The following NKTR variants were observed in gnomAD, a reference collection of about 807,000 sequenced individuals.
NKTR encodes the protein natural killer cell triggering receptor, also known as NK-tumor recognition protein.
NKTR carries 67 observed loss-of-function variants against 156.3 expected under a neutral mutation model. The observed-to-expected ratio is 0.43, with a 90% CI of 0.35 to 0.53. The LOEUF (loss-of-function observed/expected upper bound fraction) is 0.53. Ranked by LOEUF, NKTR falls within the 20% of genes least tolerant of loss-of-function variation. NKTR has a pLI of 0.01. For missense variants in NKTR, 1,604 were observed against 1,730.9 expected (o/e 0.93, Z 1.30); for synonymous variants, 640 against 596.6 (o/e 1.07, Z -1.06).
rs201803926 is a variant in NKTR at position 42,607,969 on chromosome 3, C to CTTTTTTTTTTTTTTTTTTTTTTTTTTT, written c.58+6922_58+6948dup. ...TGCCAATCGCAAGTCCTGAGTCGCT[C>CTTTTTTTTTTTTTTTTTTTTTTTTTTT]TTTTTTTTTTTTTTTTTTTTTTTTT... is the stretch of plus-strand genomic sequence containing the variant. On this transcript the variant is annotated intron_variant, in intron 2 of 16. Transcript: ENST00000232978. 4.0e-5 allele frequency among the ~76,000 whole-genome samples: 3 copies of CTTTTTTTTTTTTTTTTTTTTTTTTTTT among 74,966 alleles called. 1 individual carries two copies. The highest frequency in any genetic ancestry group is 5.9e-5 in the Non-Finnish European group (2 of 33,912). 49.2% of individuals were successfully genotyped at this position (74,966 alleles called of 152,430 possible). A position where few individuals can be genotyped will look rare whatever the true frequency, so the allele number is the denominator to read the frequency against.
At position 42,601,063 on chromosome 3, in the gene NKTR, G is replaced by A. The variant is rs1705367343; in HGVS notation, c.57G>A (p.Pro19=). 1 of 1,571,048 alleles carries A rather than the reference G, an allele frequency of 6.4e-7. No individual in the cohort carries two copies. Among genetic ancestry groups the A allele is most frequent in the Non-Finnish European group, 8.6e-7 (1 of 1,161,632 alleles). ...TCGACATCGAGATCAACCGGGAGCC[G>A]GGTGAGCTGGAAACTGGGGAGCGCT... ...CHFDIEINRE[P]VGRIMFQLFS... The change falls in exon 2 of 17, where the codon CCG becomes CCA. Residue 19 remains proline (P), a splice_region_variant and synonymous_variant. Transcript: ENST00000232978.
In NKTR at chr3:42,634,674, C is replaced by T. The variant is rs771053989; in HGVS notation, c.991C>T (p.Arg331Trp). 15 of 1,599,542 alleles carry T rather than the reference C, an allele frequency of 9.4e-6. No homozygotes were observed. The highest frequency in any genetic ancestry group is 1.2e-5 in the Non-Finnish European group (14 of 1,171,142). The change falls in exon 11 of 17, where the codon CGG becomes TGG. Residue 331 changes from arginine to tryptophan, a missense_variant. Arg to Trp is a moderately radical substitution (Grantham distance 101). Around this residue, in one of 6 missense-constraint regions of NKTR, gnomAD observed 1,255 missense variants for 1,243.7 expected, o/e 1.01. Coordinates refer to ENST00000232978, the MANE Select transcript of NKTR (RefSeq NM_005385.4). The part of the protein sequence containing the change: ...DQKPSVSKSG[R>W]KIKGRGTIRY... ...GAAACCATCTGTATCAAAGTCTGGA[C>T]GGAAGATTAAAGGAAGGGGCACAAT...
At chr3:42,633,884 G>C in intron 10 of NKTR, 149 bp downstream of exon 10, 2 of 829,560 alleles carry the variant, frequency 2.4e-6, no homozygotes, top group African/African-American at 1.7e-5. Context: ...TGAATGATAC[G>C]TAGGAAATAT....
At chr3:42,627,632 GTTTT>G in intron 6 of NKTR, 1 of 985,088 alleles carries the variant, frequency 1.0e-6, no homozygotes, top group African/African-American at 1.7e-5. Context: ...TTGCACACAT[GTTTT>G]TTAAAGTAGA....
intron 6 of NKTR, chr3:42,627,249 GCT>G: frequency 6.1e-6 from 6 of 984,024 alleles, no homozygotes; most frequent in East Asian, 1.1e-4. Flanking sequence ...TTACTCTAAG[GCT>G]CTCTCTCTCT....
intron 2 of NKTR, among the ~76,000 whole-genome samples, chr3:42,614,268 T>A (rs1482245521): frequency 6.6e-6 from 1 of 152,210 alleles, no homozygotes; most frequent in African/African-American, 2.4e-5. Context: ...ACACTTATTT[T>A]TCTCATCAGT....
At chr3:42,600,678 G>C (rs1017762734), upstream of NKTR, 15 of 210,606 alleles carry the variant, frequency 7.1e-5, no homozygotes, top group South Asian at 1.4e-4. Context: ...GCCCGGCCTG[G>C]GGGAGGAGAC....
At chr3:42,628,511 A>C in intron 6 of NKTR, 3 of 985,424 alleles carry the variant, frequency 3.0e-6, no homozygotes, top group Non-Finnish European at 3.6e-6. Context: ...TCTATCAGCC[A>C]AGATGGCAAA....
At chr3:42,634,946 C>G in intron 11 of NKTR, 1 of 443,462 alleles carries the variant, frequency 2.3e-6, no homozygotes, top group Non-Finnish European at 4.0e-6. Context: ...ATCATTAAGA[C>G]TTTAAAAAGG....
chr3:42,645,553 G>A (rs1022313941), intron 16 of NKTR, among the ~76,000 whole-genome samples: 1 of 152,112 alleles, frequency 6.6e-6, no homozygotes, highest in South Asian at 2.1e-4. Flanking sequence ...GCGTGGTGGC[G>A]GGCACCTGTA....
chr3:42,620,783 T>G (rs1707836502), intron 5 of NKTR: 1 of 984,922 alleles, frequency 1.0e-6, no homozygotes, highest in African/African-American at 1.7e-5. Flanking sequence ...ACTAATGCTG[T>G]AGGCCACTTT....
intron 2 of NKTR, among the ~76,000 whole-genome samples, chr3:42,613,945 A>T (rs536447949): frequency 6.6e-6 from 1 of 152,292 alleles, no homozygotes; most frequent in South Asian, 2.1e-4. Context: ...CTTATTATAG[A>T]GCTGTGTATC....
intron 2 of NKTR, among the ~76,000 whole-genome samples, chr3:42,613,276 C>G (rs1440461406): frequency 6.6e-6 from 1 of 152,128 alleles, no homozygotes; most frequent in Admixed American, 6.5e-5. Context: ...GAAACTCAGG[C>G]ACAACAGTAT....
chr3:42,629,663 A>G lies in NKTR; in HGVS notation c.375-883A>G, dbSNP rs1708712705. ...CTGTTTCTCATTCTTATAAATCAAGATGCTTGTAGTATATAATTCTGAGAC... is the reference window on the plus strand; with the variant it reads ...CTGTTTCTCATTCTTATAAATCAAGGTGCTTGTAGTATATAATTCTGAGAC... On this transcript the variant is annotated intron_variant, in intron 6 of 16. Coordinates refer to ENST00000232978, the MANE Select transcript of NKTR (RefSeq NM_005385.4). The G allele has an allele frequency of 6.1e-6, 6 of 978,978 alleles. No individual in the cohort carries two copies. In the African/African-American group the frequency reaches 8.7e-5, roughly 14 times the overall value. 60.6% of individuals were successfully genotyped at this position (978,978 alleles called of 1,614,324 possible).
rs144086588 is a variant in NKTR at position 42,637,640 on chromosome 3, A to G, written c.1936A>G (p.Ile646Val). 2.9e-5 allele frequency: 46 copies of G among 1,612,308 alleles called. No individual in the cohort carries two copies. The Admixed American group carries it at 4.7e-4, about 16-fold the overall frequency. Residue 646 changes from isoleucine (I) to valine (V), a missense_variant, in exon 13 of 17, where the codon ATC (isoleucine) becomes GTC (valine). By Grantham distance (29) the Ile-to-Val change is conservative (BLOSUM62 3). Transcript: ENST00000232978. The part of the protein sequence containing the change: ...MKAKTTHLLP[I>V]QSTYSLANIK... The stretch of plus-strand genomic sequence containing the variant: ...AGCTAAAACAACCCATTTGCTACCC[A>G]TCCAAAGCACTTACAGTTTAGCAAA...
intron 10 of NKTR, 49 bp from the exon 11 acceptor site, chr3:42,634,564 C>A: frequency 9.4e-7 from 1 of 1,067,248 alleles, no homozygotes; most frequent in Non-Finnish European, 1.4e-6. Flanking sequence ...ATTAAAAATT[C>A]TAGCTTCTTT....
chr3:42,601,294 C>G (rs1284023828), intron 2 of NKTR: 1 of 388,174 alleles, frequency 2.6e-6, no homozygotes, highest in Non-Finnish European at 4.7e-6. Flanking sequence ...CGCTGCATCT[C>G]CGGACTGAGT....
chr3:42,617,453 A>G, intron 2 of NKTR, 117 bp from the exon 3 acceptor site: 1 of 584,474 alleles, frequency 1.7e-6, no homozygotes, highest in Non-Finnish European at 3.0e-6. Flanking sequence ...ATCTTTTAAA[A>G]AATTAAAATG....
intron 9 of NKTR, 123 bp from the exon 10 acceptor site, chr3:42,633,457 T>G: frequency 2.8e-6 from 4 of 1,439,038 alleles, no homozygotes; most frequent in Non-Finnish European, 3.6e-6. Context: ...ATCATATAAC[T>G]CTTTTGAGTG....
Sources: allele counts gnomAD v4.1 joint callset (sites outside exome capture counted in the v4.1 genomes callset), GRCh38; gene constraint gnomAD v4.1.1; regional missense constraint gnomAD v4.1.1; transcripts MANE v1.5; gene names NCBI Gene and HGNC (gene_info 2026-07-23, HGNC 2026-07-21).